Variants in CALCRL observed in about 807,000 individuals in gnomAD.
The protein encoded by CALCRL is calcitonin receptor like receptor.
CALCRL carries 27 observed loss-of-function variants against 60.4 expected under a neutral mutation model. The observed-to-expected ratio is 0.45, with a 90% CI of 0.33 to 0.62. The LOEUF (loss-of-function observed/expected upper bound fraction) is 0.62, where lower values mean the gene tolerates loss of function less well. Ranked by LOEUF, CALCRL falls within the 20% of genes least tolerant of loss-of-function variation. CALCRL has a pLI of 0.03. For missense variants in CALCRL, 424 were observed against 540.7 expected (o/e 0.78, Z 2.14); for synonymous variants, 190 against 182.6 (o/e 1.04, Z -0.33).
intron 1 of CALCRL, among the ~76,000 whole-genome samples, chr2:187,433,734 G>A (rs1168579682): frequency 6.6e-6 from 1 of 152,012 alleles, no homozygotes; most frequent in Non-Finnish European, 1.5e-5. Flanking sequence ...TTGCCATGGT[G>A]AAATATAACA....
intron 8 of CALCRL, among the ~76,000 whole-genome samples, chr2:187,372,660 C>T (rs1255719735): frequency 6.6e-6 from 1 of 152,032 alleles, no homozygotes. Context: ...GGGTCAGTGA[C>T]CCTCAATTAC....
intron 1 of CALCRL, among the ~76,000 whole-genome samples, chr2:187,388,539 T>C (rs1688298785): frequency 6.6e-6 from 1 of 152,142 alleles, no homozygotes; most frequent in African/African-American, 2.4e-5. Flanking sequence ...TTAAATGATT[T>C]TGACTATATT....
At chr2:187,415,402 AAAAC>A (rs1458034959) in intron 1 of CALCRL, 2 of 201,058 alleles carry the variant, frequency 9.9e-6, no homozygotes, top group Non-Finnish European at 2.0e-5. Flanking sequence ...CAAACAAAAT[AAAAC>A]AAACAGATTT....
At chr2:187,386,590 C>T (rs1340093041) in intron 3 of CALCRL, among the ~76,000 whole-genome samples, 2 of 152,132 alleles carry the variant, frequency 1.3e-5, no homozygotes, top group Non-Finnish European at 2.9e-5. Context: ...AAATGCTACC[C>T]ACTAGCTTCC....
chr2:187,438,581 T>C (rs1574328693), intron 1 of CALCRL, among the ~76,000 whole-genome samples: 1 of 152,178 alleles, frequency 6.6e-6, no homozygotes, highest in African/African-American at 2.4e-5. Flanking sequence ...TTAGTGCTAT[T>C]GTCCAGAAAG....
chr2:187,411,097 A>T (rs1689335953), intron 1 of CALCRL, among the ~76,000 whole-genome samples: 1 of 152,182 alleles, frequency 6.6e-6, no homozygotes. Flanking sequence ...CTTGCTAAAC[A>T]AATTTTCTCT....
rs1221294800 is a variant in CALCRL, at chr2:187,344,625, A to G, written c.*1559T>C. On this transcript the variant is annotated 3_prime_UTR_variant, in exon 15 of 15. Coordinates refer to ENST00000392370, the MANE Select transcript of CALCRL (RefSeq NM_005795.6). ...TAATAAAGTCTGACAATAATTCAGT[A>G]AGATCTGACAATAATTTTTTCTCAA... 6.6e-6 allele frequency: 1 copy of G among 151,700 alleles called. No homozygotes were observed. Among genetic ancestry groups the G allele is most frequent in the Non-Finnish European group, 1.5e-5 (1 of 67,712 alleles). The allele number at this position is 151,700 out of a possible 1,614,324, so 9.4% of individuals were successfully genotyped here.
chr2:187,371,731 ATTTTTTTTTTTT>A (rs1687533451), intron 8 of CALCRL, among the ~76,000 whole-genome samples: 1 of 149,810 alleles, frequency 6.7e-6, no homozygotes, highest in Non-Finnish European at 1.5e-5. Flanking sequence ...GCAAGACTCC[ATTTTTTTTTTTT>A]AAAGAAAAGA....
At chr2:187,409,810 T>C (rs1473617631) in intron 1 of CALCRL, among the ~76,000 whole-genome samples, 1 of 152,140 alleles carries the variant, frequency 6.6e-6, no homozygotes, top group Non-Finnish European at 1.5e-5. Flanking sequence ...GAAATTTGAG[T>C]CCTCATCGAC....
intron 1 of CALCRL, among the ~76,000 whole-genome samples, chr2:187,442,262 A>G (rs1690955779): frequency 6.6e-6 from 1 of 150,940 alleles, no homozygotes; most frequent in Non-Finnish European, 1.5e-5. Context: ...TACCTGCAAC[A>G]TGGGTGTTTA....
In CALCRL at chr2:187,383,180, T is replaced by C. The variant is rs1346236720; in HGVS notation, c.177A>G (p.Gln59=). 1.2e-6 allele frequency: 2 copies of C among 1,608,324 alleles called. No homozygotes were observed. ...CTAAGTAGCCATGCTTACCTTCTGC[T>C]TGTTGAATGGGGTCTTGCATAATCT... is the stretch of plus-strand genomic sequence containing the variant. The part of the protein sequence containing the change: ...YQKIMQDPIQ[Q]AEGVYCNRTW... Residue 59 remains glutamine, a synonymous_variant, in exon 5 of 15, where the codon CAA becomes CAG. Coordinates refer to ENST00000392370, the MANE Select transcript of CALCRL (RefSeq NM_005795.6).
intron 12 of CALCRL, among the ~76,000 whole-genome samples, chr2:187,357,030 T>A (rs1333043700): frequency 6.6e-6 from 1 of 152,096 alleles, no homozygotes; most frequent in Non-Finnish European, 1.5e-5. Flanking sequence ...TGTGGAGAAA[T>A]AAGAACACTT....
intron 10 of CALCRL, 26 bp from the exon 11 acceptor site, chr2:187,359,298 T>C (rs112803437): frequency 1.7e-5 from 24 of 1,453,658 alleles, no homozygotes; most frequent in Non-Finnish European, 2.0e-5. Context: ...AAAAAGAAAA[T>C]AAATAGGCAT....
chr2:187,446,077 T>C (rs1691167065), intron 1 of CALCRL, among the ~76,000 whole-genome samples: 1 of 151,604 alleles, frequency 6.6e-6, no homozygotes, highest in Non-Finnish European at 1.5e-5. Flanking sequence ...AATAGAATAT[T>C]TCAGGTAAAA....
Position 187,384,176 on chromosome 2 carries a change from T to C in CALCRL, c.52-871A>G, listed in dbSNP as rs554692670. Among the ~76,000 whole-genome samples the C allele has an allele frequency of 2.8e-4, 43 of 152,316 alleles. No homozygotes were observed. The South Asian group carries it at 8.1e-3, about 29-fold the overall frequency. ...CTCACTGGGTAGCACCTCTCAAGCTTAAGTTTTACCATTGTGTGACCACCA... is the reference window on the plus strand; with the variant it reads ...CTCACTGGGTAGCACCTCTCAAGCTCAAGTTTTACCATTGTGTGACCACCA... On this transcript the variant is annotated intron_variant, in intron 4 of 14. Coordinates refer to ENST00000392370, the MANE Select transcript of CALCRL (RefSeq NM_005795.6).
At chr2:187,411,316 T>C (rs1265063720) in intron 1 of CALCRL, among the ~76,000 whole-genome samples, 1 of 152,180 alleles carries the variant, frequency 6.6e-6, no homozygotes, top group African/African-American at 2.4e-5. Flanking sequence ...AAATTGATTC[T>C]TGTTCATGAG....
intron 1 of CALCRL, among the ~76,000 whole-genome samples, chr2:187,423,909 T>C (rs1163707665): frequency 6.6e-6 from 1 of 152,058 alleles, no homozygotes; most frequent in Non-Finnish European, 1.5e-5. Flanking sequence ...TTTTTCTTTA[T>C]AGATAAGGGG....
chr2:187,360,201 T>C lies in CALCRL; in HGVS notation c.781+397A>G, dbSNP rs78091580. Among the ~76,000 whole-genome samples, 75 of 152,220 alleles carry C rather than the reference T, an allele frequency of 4.9e-4. No individual in the cohort carries two copies. In the East Asian group the frequency reaches 9.4e-3, roughly 19 times the overall value. On this transcript the variant is annotated intron_variant, in intron 10 of 14. Transcript: ENST00000392370. ...AAATGACAATATTTTAAACAAATATTTTTAGAATGGAACTTCAAAGATGTT... is the reference window on the plus strand; with the variant it reads ...AAATGACAATATTTTAAACAAATATCTTTAGAATGGAACTTCAAAGATGTT...
At chr2:187,408,112 A>T (rs1477271538) in intron 1 of CALCRL, among the ~76,000 whole-genome samples, 1 of 152,054 alleles carries the variant, frequency 6.6e-6, no homozygotes, top group African/African-American at 2.4e-5. Flanking sequence ...GAGGGAAAAA[A>T]TGTCATTACT....
Sources: gnomAD v4.1 joint callset for allele counts (sites outside exome capture counted in the v4.1 genomes callset) on GRCh38, gnomAD v4.1.1 for gene constraint, MANE v1.5 for transcripts, NCBI Gene and HGNC (gene_info 2026-07-23, HGNC 2026-07-21) for gene names.